The following C12orf56 variants were observed in gnomAD, a reference collection of about 807,000 sequenced individuals.
C12orf56 encodes chromosome 12 open reading frame 56.
In C12orf56, 71 loss-of-function variants were observed where a neutral mutation model predicts 69.9. The ratio of observed to expected loss-of-function variants is 1.02; its 90% CI spans 0.84 to 1.24. The LOEUF is 1.24. Among genes scored for constraint, C12orf56 ranks in the 50% most tolerant of loss-of-function variants. The probability of loss-of-function intolerance (pLI) is 0.00; values close to 1 mark genes in which losing one functional copy is unlikely to be tolerated. For synonymous variants in C12orf56, 276 were observed against 274.1 expected (o/e 1.01, Z -0.07); for missense variants, 732 against 738.5 (o/e 0.99, Z 0.10).
At chr12:64,287,067 T>C (rs905634470) in intron 6 of C12orf56, among the ~76,000 whole-genome samples, 3 of 151,826 alleles carry the variant, frequency 2.0e-5, no homozygotes, top group Non-Finnish European at 4.4e-5. Context: ...CAAAACCCCG[T>C]CTCTACTAAA....
At chr12:64,307,929 T>C (rs1383248996) in intron 5 of C12orf56, among the ~76,000 whole-genome samples, 1 of 151,996 alleles carries the variant, frequency 6.6e-6, no homozygotes, top group Non-Finnish European at 1.5e-5. Flanking sequence ...GGTGGAAGGA[T>C]TGCTTGAGCC....
chr12:64,386,747 T>G (rs958742811), intron 1 of C12orf56, among the ~76,000 whole-genome samples: 5 of 151,876 alleles, frequency 3.3e-5, no homozygotes, highest in Non-Finnish European at 7.4e-5. Flanking sequence ...GCCAGGCTGA[T>G]CTCAAACTCC....
In C12orf56 at chr12:64,333,734, T is replaced by C. The variant is rs529527953; in HGVS notation, c.416-2702A>G. Among the ~76,000 whole-genome samples the C allele has an allele frequency of 6.4e-3, 975 of 152,266 alleles. 14 individuals are homozygous for C. Among genetic ancestry groups the C allele is most frequent in the African/African-American group, 0.023 (941 of 41,556 alleles). On this transcript the variant is annotated intron_variant, in intron 2 of 12. Transcript: ENST00000543942. ...CCAGGCTGGTCTCAAACTGCTGATC[T>C]CAAGTGATCCGCCCACCTTGGCCTC...
intron 9 of C12orf56, among the ~76,000 whole-genome samples, chr12:64,276,215 C>T (rs60242151): frequency 0.051 from 7,701 of 152,078 alleles, 663 homozygotes; most frequent in African/African-American, 0.17. Flanking sequence ...GTGTTGGGGA[C>T]GCAAGGGAGA....
chr12:64,352,109 T>A (rs1222612546), intron 2 of C12orf56, among the ~76,000 whole-genome samples: 1 of 115,506 alleles, frequency 8.7e-6, no homozygotes, highest in East Asian at 2.8e-4. Flanking sequence ...GTTTTTTTTT[T>A]TTTTTTGTTT....
intron 12 of C12orf56, among the ~76,000 whole-genome samples, chr12:64,268,072 A>AT (rs1346389273): frequency 6.6e-6 from 1 of 152,108 alleles, no homozygotes; most frequent in Non-Finnish European, 1.5e-5. Context: ...ATGATTTCGG[A>AT]TTTTGGAGCA....
At chr12:64,364,438 C>T (rs142370414) in intron 1 of C12orf56, among the ~76,000 whole-genome samples, 4 of 152,066 alleles carry the variant, frequency 2.6e-5, no homozygotes, top group African/African-American at 9.7e-5. Flanking sequence ...GGGTAGGGAG[C>T]AGTGAAGAGG....
chr12:64,280,838 A>G (rs2038112817), intron 8 of C12orf56, among the ~76,000 whole-genome samples: 1 of 152,192 alleles, frequency 6.6e-6, no homozygotes, highest in South Asian at 2.1e-4. Context: ...CAACACCTCA[A>G]CTGAAACCTC....
intron 1 of C12orf56, among the ~76,000 whole-genome samples, chr12:64,381,108 T>C (rs2039714557): frequency 6.6e-6 from 1 of 152,026 alleles, no homozygotes; most frequent in African/African-American, 2.4e-5. Context: ...AATTCGGGGA[T>C]TAGAGTTTTT....
At chr12:64,376,447 A>G (rs1485427214) in intron 1 of C12orf56, among the ~76,000 whole-genome samples, 1 of 152,202 alleles carries the variant, frequency 6.6e-6, no homozygotes, top group Non-Finnish European at 1.5e-5. Context: ...CCTAGTTATA[A>G]TGATTTAAAA....
At chr12:64,387,336 C>T (rs1003255801) in intron 1 of C12orf56, among the ~76,000 whole-genome samples, 2 of 152,140 alleles carry the variant, frequency 1.3e-5, no homozygotes, top group African/African-American at 2.4e-5. Flanking sequence ...ATTCAAGCTA[C>T]CAACAATGTT....
chr12:64,313,059 G>A (rs2038640674), intron 4 of C12orf56, among the ~76,000 whole-genome samples: 1 of 151,738 alleles, frequency 6.6e-6, no homozygotes, highest in South Asian at 2.1e-4. Context: ...AGGAGATTGA[G>A]ACCATCCTGG....
At chr12:64,308,770 G>C (rs7964830) in intron 5 of C12orf56, among the ~76,000 whole-genome samples, 41,173 of 150,528 alleles carry the variant, frequency 0.27, 6,019 homozygotes, top group East Asian at 0.5. Context: ...TTGAACCCGG[G>C]TGGTGGAGGT....
intron 8 of C12orf56, among the ~76,000 whole-genome samples, chr12:64,281,732 T>C (rs1179970005): frequency 6.6e-6 from 1 of 152,136 alleles, no homozygotes; most frequent in African/African-American, 2.4e-5. Flanking sequence ...AATATATGTA[T>C]TGAAGGACAT....
rs757805594 is a variant in C12orf56, at chr12:64,277,780, A to G, written c.1334T>C (p.Val445Ala). The change falls in exon 9 of 13, where the codon GTA becomes GCA. Residue 445 changes from valine to alanine, a missense_variant. Physicochemically the swap from Val to Ala is moderately conservative, Grantham distance 64. Coordinates refer to ENST00000543942, the MANE Select transcript of C12orf56 (RefSeq NM_001170633.2). ...AATCTGAGGCTCACTAATTAAAATT[A>G]CCAAGAGATTAAATAGTGCTCCCCT... ...AKKGALFNLL[V>A]ILISEPQIPK... 6.2e-7 allele frequency: 1 copy of G among 1,602,990 alleles called. No individual in the cohort carries two copies. The highest frequency in any genetic ancestry group is 2.2e-5 in the East Asian group (1 of 44,658).
At chr12:64,333,090 T>G (rs1405311640) in intron 2 of C12orf56, among the ~76,000 whole-genome samples, 1 of 152,216 alleles carries the variant, frequency 6.6e-6, no homozygotes, top group Non-Finnish European at 1.5e-5. Context: ...TGGAATTAGG[T>G]GGAAGCACTT....
At chr12:64,310,471 A>T (rs1029035371) in intron 5 of C12orf56, among the ~76,000 whole-genome samples, 1 of 152,230 alleles carries the variant, frequency 6.6e-6, no homozygotes, top group Non-Finnish European at 1.5e-5. Context: ...ATCTAGGGCT[A>T]CTTGGTTATC....
rs2038727956 is a variant in C12orf56 at position 64,318,839 on chromosome 12, T to C, written c.630A>G (p.Thr210=). 3 of 1,537,104 alleles carry C rather than the reference T, an allele frequency of 2.0e-6. No individual in the cohort carries two copies. The highest frequency in any genetic ancestry group is 2.6e-6 in the Non-Finnish European group (3 of 1,146,910). Residue 210 remains threonine (T), a synonymous_variant, in exon 4 of 13, where the codon ACA becomes ACG. Transcript: ENST00000543942. The stretch of plus-strand genomic sequence containing the variant: ...ATGGCTCGCTGACAGCCTTGCCAGT[T>C]GTTGGTGCAGACTGAGAGCTCCTCC... The part of the protein sequence containing the change: ...PSRRSSQSAP[T]TGKAVSEPSC...
chr12:64,349,347 A>G (rs2039190689), intron 2 of C12orf56, among the ~76,000 whole-genome samples: 1 of 152,240 alleles, frequency 6.6e-6, no homozygotes, highest in South Asian at 2.1e-4. Flanking sequence ...AAGAATGGCC[A>G]TAATCAAAAA....
Sources: allele counts gnomAD v4.1 joint callset (sites outside exome capture counted in the v4.1 genomes callset), GRCh38; gene constraint gnomAD v4.1.1; transcripts MANE v1.5; gene names NCBI Gene and HGNC (gene_info 2026-07-23, HGNC 2026-07-21).